Variants in PSD3 observed in about 807,000 individuals in gnomAD.
PSD3 encodes the protein PH and SEC7 domain-containing protein 3.
PSD3 carries 49 observed loss-of-function variants against 105.5 expected under a neutral mutation model. That is an observed-to-expected ratio of 0.46 (90% CI 0.37 to 0.59). The LOEUF (loss-of-function observed/expected upper bound fraction) is 0.59. PSD3 is among the 20% of genes least tolerant of loss of function. The probability of loss-of-function intolerance (pLI) is 0.00; values close to 1 mark genes in which losing one functional copy is unlikely to be tolerated. For missense variants in PSD3, 1,561 were observed against 1,263.8 expected, an observed-to-expected ratio of 1.24 and a Z score of -3.57; for synonymous variants, 557 against 457.8, an observed-to-expected ratio of 1.22 and a Z score of -2.77.
At chr8:18,874,387 G>A (rs1043446963) in intron 2 of PSD3, among the ~76,000 whole-genome samples, 1 of 151,788 alleles carries the variant, frequency 6.6e-6, no homozygotes, top group Non-Finnish European at 1.5e-5. Context: ...GGATGGTCTC[G>A]ATGTCTTGAC....
chr8:18,831,049 G>C (rs879650617), intron 4 of PSD3, among the ~76,000 whole-genome samples: 4 of 134,258 alleles, frequency 3.0e-5, no homozygotes, highest in Non-Finnish European at 4.5e-5. Flanking sequence ...TTGTGACACC[G>C]ACCACCTTGG....
chr8:18,932,743 T>C (rs894089629), intron 2 of PSD3, among the ~76,000 whole-genome samples: 1 of 152,228 alleles, frequency 6.6e-6, no homozygotes, highest in Admixed American at 6.5e-5. Context: ...ATGGTAATCT[T>C]TCTGAACTTA....
intron 2 of PSD3, among the ~76,000 whole-genome samples, chr8:18,873,729 A>T (rs920078721): frequency 1.5e-4 from 23 of 151,984 alleles, no homozygotes. Flanking sequence ...CACCTCCCCA[A>T]TCCCACCACC....
intron 12 of PSD3, among the ~76,000 whole-genome samples, chr8:18,579,410 A>T (rs1266703411): frequency 6.6e-6 from 1 of 152,170 alleles, no homozygotes; most frequent in Admixed American, 6.5e-5. Flanking sequence ...ATGCTCCACG[A>T]CATCTAATTA....
intron 11 of PSD3, among the ~76,000 whole-genome samples, chr8:18,611,136 C>G (rs571449482): frequency 1.7e-4 from 25 of 151,356 alleles, no homozygotes; most frequent in African/African-American, 6.1e-4. Context: ...CTAAGACAAT[C>G]ACAGTGGGGA....
chr8:18,771,182 T>C (rs1057076182), intron 8 of PSD3, among the ~76,000 whole-genome samples: 4 of 152,100 alleles, frequency 2.6e-5, no homozygotes, highest in Non-Finnish European at 4.4e-5. Flanking sequence ...GAGCAGGCCA[T>C]GGGTGGTTTT....
chr8:18,934,583 T>A (rs1459068910), intron 2 of PSD3, among the ~76,000 whole-genome samples: 1 of 152,130 alleles, frequency 6.6e-6, no homozygotes, highest in Non-Finnish European at 1.5e-5. Context: ...GCTAATTTTT[T>A]TTTTAGTAGA....
At position 18,803,023 on chromosome 8, in the gene PSD3, C is replaced by T. The variant is rs191478454; in HGVS notation, c.1910+1499G>A. 4.6e-3 allele frequency: 704 copies of T among 153,672 alleles called. 4 individuals carry two copies. Among genetic ancestry groups the T allele is most frequent in the Middle Eastern group, 0.01 (3 of 294 alleles). 9.5% of individuals were successfully genotyped at this position (153,672 alleles called of 1,614,324 possible). ...TATTGGGGCTAGGTGCGGTGGCTCA[C>T]GCCTGTAATCCTAGCACTTTGAGAG... On this transcript the variant is annotated intron_variant, in intron 6 of 15. Transcript: ENST00000327040.
intron 15 of PSD3, among the ~76,000 whole-genome samples, chr8:18,536,795 A>G (rs1176618689): frequency 2.6e-5 from 4 of 152,124 alleles, no homozygotes; most frequent in Admixed American, 6.5e-5. Context: ...AATATATAGA[A>G]CTATCATATA....
rs118088236 is a variant in PSD3, at chr8:18,723,218, C to G, written c.2172+42231G>C. ...GAAGGACATGTGGCTGCAGATGACA[C>G]GTGTGTTCTAGCTTGTTTGAAAAGC... On this transcript the variant is annotated intron_variant, in intron 9 of 15. Transcript: ENST00000327040. Among the ~76,000 whole-genome samples the G allele has an allele frequency of 4.7e-4, 71 of 152,262 alleles. No homozygotes were observed. In the East Asian group the frequency reaches 0.012, roughly 26 times the overall value.
chr8:18,820,158 T>G (rs1812571651), intron 4 of PSD3, among the ~76,000 whole-genome samples: 2 of 131,186 alleles, frequency 1.5e-5, no homozygotes, highest in Middle Eastern at 3.9e-3. Flanking sequence ...AGTTAATTGC[T>G]GGCATTTTTT....
intron 9 of PSD3, among the ~76,000 whole-genome samples, chr8:18,728,282 C>T (rs1310119765): frequency 3.3e-5 from 5 of 152,216 alleles, no homozygotes; most frequent in African/African-American, 1.2e-4. Flanking sequence ...CTCCTATCCA[C>T]CAAACTCTGC....
chr8:18,604,930 G>C (rs535299762), intron 11 of PSD3, among the ~76,000 whole-genome samples: 1 of 152,224 alleles, frequency 6.6e-6, no homozygotes, highest in Non-Finnish European at 1.5e-5. Context: ...TCTCCACCTA[G>C]ATTTCACAGG....
At position 18,826,063 on chromosome 8, in the gene PSD3, C is replaced by T. The variant is rs187819484; in HGVS notation, c.1635-21165G>A. Among the ~76,000 whole-genome samples the T allele has an allele frequency of 2.9e-3, 441 of 152,270 alleles. 1 individual carries two copies. Among genetic ancestry groups the T allele is most frequent in the African/African-American group, 0.01 (416 of 41,560 alleles). Reference sequence around the variant, plus strand: ...GTGGGTATCATCCAAAGCCCAAAGGCCTAAATGAATAAAAGGGTAGACAAA... The same window carrying T: ...GTGGGTATCATCCAAAGCCCAAAGGTCTAAATGAATAAAAGGGTAGACAAA... On this transcript the variant is annotated intron_variant, in intron 4 of 15. Coordinates refer to ENST00000327040, the MANE Select transcript of PSD3 (RefSeq NM_015310.4).
At position 18,556,198 on chromosome 8, in the gene PSD3, G is replaced by C; in HGVS notation, c.2928+11C>G. ...GAAATCAGCATTTACTAACATTTGGGTGCAACACACCTCAAACTCCAGATA... is the reference window on the plus strand; with the variant it reads ...GAAATCAGCATTTACTAACATTTGGCTGCAACACACCTCAAACTCCAGATA... On this transcript the variant is annotated intron_variant, in intron 15 of 15. Coordinates refer to ENST00000327040, the MANE Select transcript of PSD3 (RefSeq NM_015310.4). 4.3e-6 allele frequency: 7 copies of C among 1,612,762 alleles called. No homozygotes were observed. The highest frequency in any genetic ancestry group is 5.9e-6 in the Non-Finnish European group (7 of 1,179,450).
chr8:18,853,371 G>C (rs1292384056), intron 4 of PSD3, among the ~76,000 whole-genome samples: 2 of 152,118 alleles, frequency 1.3e-5, no homozygotes, highest in Non-Finnish European at 2.9e-5. Context: ...GGATGGTCAG[G>C]AATTATTCTT....
chr8:18,972,016 A>G (rs1824682208), intron 1 of PSD3, among the ~76,000 whole-genome samples: 1 of 152,196 alleles, frequency 6.6e-6, no homozygotes, highest in Non-Finnish European at 1.5e-5. Flanking sequence ...AAATAAAAAT[A>G]AACAAAATAC....
intron 9 of PSD3, among the ~76,000 whole-genome samples, chr8:18,698,546 G>A (rs73666692): frequency 6.6e-6 from 1 of 152,270 alleles, no homozygotes; most frequent in African/African-American, 2.4e-5. Context: ...ACAGCTCTTA[G>A]AAGCTGGAAA....
At chr8:18,736,073 G>C (rs1157514748) in intron 9 of PSD3, among the ~76,000 whole-genome samples, 1 of 152,102 alleles carries the variant, frequency 6.6e-6, no homozygotes, top group African/African-American at 2.4e-5. Context: ...AAACAACGTA[G>C]AATTCCAACA....
Sources: gnomAD v4.1 joint callset for allele counts (sites outside exome capture counted in the v4.1 genomes callset) on GRCh38, gnomAD v4.1.1 for gene constraint, MANE v1.5 for transcripts, NCBI Gene and HGNC (gene_info 2026-07-23, HGNC 2026-07-21) for gene names.